The following GRAMD2B variants were observed in gnomAD, a reference collection of about 807,000 sequenced individuals.
The protein encoded by GRAMD2B is GRAM domain containing 2B.
Under a neutral mutation model 59.2 loss-of-function variants are expected in GRAMD2B, and 41 were observed. The ratio of observed to expected loss-of-function variants is 0.69; its 90% CI spans 0.54 to 0.90. The LOEUF (loss-of-function observed/expected upper bound fraction) is 0.90, where lower values mean the gene tolerates loss of function less well. Among genes scored for constraint, GRAMD2B ranks in the 40% least tolerant of loss-of-function variants. The probability of loss-of-function intolerance (pLI) is 0.00; values close to 1 mark genes in which losing one functional copy is unlikely to be tolerated. For missense variants in GRAMD2B, 424 were observed against 500.5 expected (o/e 0.85, Z 1.46); for synonymous variants, 161 against 182.7 (o/e 0.88, Z 0.96).
intron 1 of GRAMD2B, among the ~76,000 whole-genome samples, chr5:126,428,948 A>T (rs1024832026): frequency 3.8e-4 from 58 of 152,234 alleles, no homozygotes; most frequent in African/African-American, 1.4e-3. Context: ...GGGGGTGTAA[A>T]TTAGTTTGAC....
At chr5:126,384,554 T>G (rs1755949475) in intron 1 of GRAMD2B, among the ~76,000 whole-genome samples, 3 of 152,200 alleles carry the variant, frequency 2.0e-5, no homozygotes, top group Non-Finnish European at 4.4e-5. Context: ...CATGCTCCTG[T>G]TTGGAGGGAA....
intron 1 of GRAMD2B, among the ~76,000 whole-genome samples, chr5:126,389,466 A>G (rs1297841212): frequency 6.6e-6 from 1 of 151,982 alleles, no homozygotes; most frequent in Non-Finnish European, 1.5e-5. Context: ...AAATTATATT[A>G]CTCATCCCTG....
At position 126,469,605 on chromosome 5, in the gene GRAMD2B, A is replaced by G. The variant is rs1769156336; in HGVS notation, c.204-72A>G. On this transcript the variant is annotated intron_variant, in intron 2 of 13. Coordinates refer to ENST00000285689, the MANE Select transcript of GRAMD2B (RefSeq NM_023927.4). ...AACCGTGATCATGCTGCTGCACTTC[A>G]GCCTGGGCAACAGAGCAAAACTGTC... The G allele has an allele frequency of 2.3e-5, 23 of 985,222 alleles. No individual in the cohort carries two copies. The South Asian group carries it at 2.4e-4, about 10-fold the overall frequency. 61.0% of individuals were successfully genotyped at this position (985,222 alleles called of 1,614,324 possible).
At chr5:126,432,221 A>G (rs10900788) in intron 1 of GRAMD2B, among the ~76,000 whole-genome samples, 95,704 of 152,052 alleles carry the variant, frequency 0.63, 30,614 homozygotes, top group African/African-American at 0.74. Flanking sequence ...GAGCCACCAT[A>G]ACCAGCCCTA....
intron 1 of GRAMD2B, among the ~76,000 whole-genome samples, chr5:126,461,968 C>T (rs968735863): frequency 4.6e-5 from 7 of 152,182 alleles, no homozygotes; most frequent in Admixed American, 2.6e-4. Context: ...GAGAAATAAC[C>T]TGCCAAGGCC....
chr5:126,417,856 C>G (rs183943043), intron 1 of GRAMD2B, among the ~76,000 whole-genome samples: 2 of 152,182 alleles, frequency 1.3e-5, no homozygotes, highest in African/African-American at 2.4e-5. Context: ...CCTAAAAGTA[C>G]CCCCCTGCAA....
At chr5:126,411,700 G>A (rs1224445026) in intron 1 of GRAMD2B, among the ~76,000 whole-genome samples, 3 of 151,984 alleles carry the variant, frequency 2.0e-5, no homozygotes, top group Admixed American at 6.6e-5. Context: ...GGGTAGTATG[G>A]CCATTTTAAC....
intron 8 of GRAMD2B, 97 bp downstream of exon 8, chr5:126,480,804 T>G: frequency 1.9e-6 from 2 of 1,027,958 alleles, no homozygotes; most frequent in Non-Finnish European, 3.0e-6. Flanking sequence ...GGGAAGAGCT[T>G]AGGACCAAAA....
chr5:126,363,624 A>T (rs992092559), intron 1 of GRAMD2B, among the ~76,000 whole-genome samples: 4 of 152,224 alleles, frequency 2.6e-5, no homozygotes, highest in African/African-American at 9.6e-5. Context: ...TTGGTCACAA[A>T]ATGAGATGAA....
At chr5:126,427,231 A>G (rs12514072) in intron 1 of GRAMD2B, among the ~76,000 whole-genome samples, 29,312 of 152,114 alleles carry the variant, frequency 0.19, 2,958 homozygotes, top group Admixed American at 0.27. Context: ...CATTTACGTT[A>G]GGTATTTCTC....
chr5:126,422,925 C>A (rs1479864547), upstream of GRAMD2B, among the ~76,000 whole-genome samples: 1 of 149,638 alleles, frequency 6.7e-6, no homozygotes, highest in Non-Finnish European at 1.5e-5. Flanking sequence ...ACCCCCCCCA[C>A]CCCAGAACGA....
chr5:126,420,827 AC>A (rs966261295), upstream of GRAMD2B, among the ~76,000 whole-genome samples: 3 of 152,216 alleles, frequency 2.0e-5, no homozygotes, highest in African/African-American at 7.2e-5. Flanking sequence ...AAAGCTAGAA[AC>A]AACCCAAGGG....
At chr5:126,380,441 A>G (rs1296788274) in intron 1 of GRAMD2B, among the ~76,000 whole-genome samples, 3 of 151,888 alleles carry the variant, frequency 2.0e-5, no homozygotes, top group Admixed American at 1.3e-4. Flanking sequence ...GTGAAGAATG[A>G]TAGTGGTATT....
chr5:126,367,913 GGC>G, upstream of GRAMD2B, among the ~76,000 whole-genome samples: 1 of 152,084 alleles, frequency 6.6e-6, no homozygotes, highest in South Asian at 2.1e-4. Context: ...CACCACGCCC[GGC>G]TAATTGTTTG....
upstream of GRAMD2B, among the ~76,000 whole-genome samples, chr5:126,367,791 G>T (rs774956612): frequency 2.0e-5 from 3 of 151,852 alleles, no homozygotes; most frequent in Non-Finnish European, 2.9e-5. Context: ...TCACTCTGTC[G>T]CCCAGGCTGG....
At chr5:126,469,475 C>G (rs1412318759) in intron 2 of GRAMD2B, among the ~76,000 whole-genome samples, 1 of 151,988 alleles carries the variant, frequency 6.6e-6, no homozygotes, top group Non-Finnish European at 1.5e-5. Context: ...AACCCCATCT[C>G]TACAAAAAAA....
intron 5 of GRAMD2B, among the ~76,000 whole-genome samples, chr5:126,476,674 A>G (rs919571916): frequency 6.6e-6 from 1 of 152,228 alleles, no homozygotes; most frequent in Non-Finnish European, 1.5e-5. Flanking sequence ...CATAATATTG[A>G]CTATGTATGA....
At chr5:126,472,143 C>T in intron 3 of GRAMD2B, 95 bp from the exon 4 acceptor site, 2 of 896,318 alleles carry the variant, frequency 2.2e-6, no homozygotes, top group South Asian at 2.8e-5. Context: ...CCTAAAGATA[C>T]TATTAAGGGA....
chr5:126,471,072 G>A (rs1769481195), intron 3 of GRAMD2B, among the ~76,000 whole-genome samples: 1 of 152,170 alleles, frequency 6.6e-6, no homozygotes, highest in African/African-American at 2.4e-5. Context: ...TAAAATAGTT[G>A]ACTTGCAGGG....
Sources: allele counts gnomAD v4.1 joint callset (sites outside exome capture counted in the v4.1 genomes callset), GRCh38; gene constraint gnomAD v4.1.1; transcripts MANE v1.5; gene names NCBI Gene and HGNC (gene_info 2026-07-23, HGNC 2026-07-21).